UBTF: variants seen among roughly 807,000 people sequenced by gnomAD.
UBTF encodes nucleolar transcription factor 1.
UBTF carries 8 observed loss-of-function variants against 112.3 expected under a neutral mutation model. The ratio of observed to expected loss-of-function variants is 0.07; its 90% CI spans 0.04 to 0.13. The LOEUF (loss-of-function observed/expected upper bound fraction) is 0.13, where lower values mean the gene tolerates loss of function less well. Ranked by LOEUF, UBTF falls within the 10% of genes least tolerant of loss-of-function variation. The pLI is 1.00. For synonymous variants in UBTF, 417 were observed against 373.1 expected (o/e 1.12, Z -1.36); for missense variants, 457 against 982.1 (o/e 0.47, Z 7.15).
rs1353800434 is a variant in UBTF, at chr17:44,206,377, A to T, written c.*865T>A. 1 of 150,910 alleles carries T rather than the reference A, an allele frequency of 6.6e-6. No homozygotes were observed. The highest frequency in any genetic ancestry group is 2.0e-4 in the East Asian group (1 of 5,106). 9.3% of individuals were successfully genotyped at this position (150,910 alleles called of 1,614,324 possible). A position where few individuals can be genotyped will look rare whatever the true frequency, so the allele number is the denominator to read the frequency against. ...CCTCACCGACCCTTTTTCCAGATTC[A>T]CAACAAACTGATGTGGGCTCTAGGA... On this transcript the variant is annotated 3_prime_UTR_variant, in exon 21 of 21. Transcript: ENST00000436088.
chr17:44,216,814 T>C (rs1277408484), intron 2 of UBTF, 110 bp from the exon 3 acceptor site: 5 of 1,105,976 alleles, frequency 4.5e-6, no homozygotes, highest in South Asian at 2.6e-5. Flanking sequence ...CAGCCCCTGG[T>C]TGCTTCCCAT....
chr17:44,213,033 A>G, intron 6 of UBTF, 94 bp from the exon 7 acceptor site: 1 of 1,569,594 alleles, frequency 6.4e-7, no homozygotes. Context: ...TGGGCCTTTC[A>G]GCTGGGGCTC....
At chr17:44,218,352 A>T in intron 1 of UBTF, 56 bp from the exon 2 acceptor site, 2 of 1,031,992 alleles carry the variant, frequency 1.9e-6, no homozygotes, top group Non-Finnish European at 1.5e-6. Flanking sequence ...ACGACTAACG[A>T]CTTTCTAACC....
At chr17:44,219,067 C>T (rs961133768) in intron 1 of UBTF, 4 of 149,950 alleles carry the variant, frequency 2.7e-5, no homozygotes, top group East Asian at 3.9e-4. Context: ...TCCCCCGAGC[C>T]TGCGGCCCAG....
intron 2 of UBTF, among the ~76,000 whole-genome samples, chr17:44,217,024 A>G (rs975358981): frequency 6.6e-6 from 1 of 152,178 alleles, no homozygotes; most frequent in African/African-American, 2.4e-5. Flanking sequence ...GAGGGGTGGA[A>G]ATGAAGGTAC....
chr17:44,210,286 G>A (rs771452302), intron 14 of UBTF, 32 bp downstream of exon 14: 1 of 1,614,256 alleles, frequency 6.2e-7, no homozygotes, highest in Non-Finnish European at 8.5e-7. Flanking sequence ...GGGGCTAGAG[G>A]CTGCAGTACT....
At chr17:44,207,416 G>A (rs917614614) in intron 20 of UBTF, 38 bp downstream of exon 20, 1 of 1,611,622 alleles carries the variant, frequency 6.2e-7, no homozygotes, top group South Asian at 1.1e-5. Flanking sequence ...CTCCTGGCAG[G>A]ACTCCCCTCC....
At chr17:44,210,621 G>A (rs1025396595) in intron 13 of UBTF, 148 bp from the exon 14 acceptor site, 4 of 1,381,898 alleles carry the variant, frequency 2.9e-6, no homozygotes, top group African/African-American at 1.5e-5. Flanking sequence ...CCTGGTCTGC[G>A]GCGCTCAGCT....
intron 13 of UBTF, 73 bp from the exon 14 acceptor site, chr17:44,210,546 G>A (rs2056592877): frequency 2.0e-6 from 3 of 1,468,192 alleles, no homozygotes; most frequent in Non-Finnish European, 2.7e-6. Context: ...AGCAGCCCAG[G>A]CGCTCCCGCC....
At chr17:44,219,411 G>T in intron 1 of UBTF, 34 bp downstream of exon 1, 1 of 151,730 alleles carries the variant, frequency 6.6e-6, no homozygotes, top group South Asian at 2.1e-4. Flanking sequence ...GTCCGGCCCC[G>T]ACCCCAGCGC....
intron 19 of UBTF, 34 bp from the exon 20 acceptor site, chr17:44,207,631 G>T: frequency 6.2e-7 from 1 of 1,614,068 alleles, no homozygotes; most frequent in East Asian, 2.2e-5. Context: ...GTGGTCTCTG[G>T]TCTCTGCCCA....
At chr17:44,217,788 C>T (rs1377457159) in intron 2 of UBTF, among the ~76,000 whole-genome samples, 1 of 152,218 alleles carries the variant, frequency 6.6e-6, no homozygotes, top group East Asian at 1.9e-4. Context: ...CCTGCCTCTA[C>T]AAAAGCCTCA....
chr17:44,206,426 A>T lies in UBTF; in HGVS notation c.*816T>A, dbSNP rs1329584582. 1 of 150,184 alleles carries T rather than the reference A, an allele frequency of 6.7e-6. No homozygotes were observed. The highest frequency in any genetic ancestry group is 1.5e-5 in the Non-Finnish European group (1 of 67,542). The allele number at this position is 150,184 out of a possible 1,614,324, so 9.3% of individuals were successfully genotyped here. A position where few individuals can be genotyped will look rare whatever the true frequency, so the allele number is the denominator to read the frequency against. Reference sequence around the variant, plus strand: ...GACAGACCCCTTTACACACACACACACACACTCACACTCTTTTGCACACAT... The same window carrying T: ...GACAGACCCCTTTACACACACACACTCACACTCACACTCTTTTGCACACAT... On this transcript the variant is annotated 3_prime_UTR_variant, in exon 21 of 21. Transcript: ENST00000436088.
intron 1 of UBTF, 83 bp from the exon 2 acceptor site, chr17:44,218,379 G>A (rs2046953179): frequency 2.6e-6 from 2 of 758,318 alleles, no homozygotes; most frequent in African/African-American, 1.8e-5. Context: ...AGTAGAAGGG[G>A]GCAGGTCCAC....
Position 44,207,263 on chromosome 17 carries a change from G to A in UBTF, c.2274C>T (p.Ser758=). The A allele has an allele frequency of 1.2e-6, 2 of 1,613,668 alleles. No individual in the cohort carries two copies. The highest frequency in any genetic ancestry group is 1.7e-6 in the Non-Finnish European group (2 of 1,179,864). ...AGCCTCAGTTGGAGTCAGAGTCTGA[G>A]GAGTCCCCTGAGGAGGAGGAGCTGG... The part of the protein sequence containing the change: ...SSSSSSSSGD[S]SDSDSN The change falls in exon 21 of 21, where the codon TCC becomes TCT. Residue 758 remains serine, a synonymous_variant. Coordinates refer to ENST00000436088, the MANE Select transcript of UBTF (RefSeq NM_014233.4).
In UBTF at chr17:44,209,640, C is replaced by T. The variant is rs1199330732; in HGVS notation, c.1715+5G>A. 6.2e-7 allele frequency: 1 copy of T among 1,614,092 alleles called. No individual in the cohort carries two copies. The highest frequency in any genetic ancestry group is 8.5e-7 in the Non-Finnish European group (1 of 1,180,044). On this transcript the variant is annotated splice_donor_5th_base_variant and intron_variant, in intron 16 of 20. Transcript: ENST00000436088. ...TCCAGGGCAGACTCCAACCCCCAGG[C>T]TCACATGGGAGGCTTCTTGGGTTCT...
At chr17:44,212,158 GC>G (rs1157775596) in intron 8 of UBTF, 152 bp from the exon 9 acceptor site, 1 of 471,312 alleles carries the variant, frequency 2.1e-6, no homozygotes, top group Non-Finnish European at 3.6e-6. Flanking sequence ...GCCCTGCCCT[GC>G]CCTAGCCTGA....
At chr17:44,213,440 C>T (rs980712309) in intron 5 of UBTF, 158 bp from the exon 6 acceptor site, 44 of 733,838 alleles carry the variant, frequency 6.0e-5, no homozygotes, top group Middle Eastern at 7.8e-4. Flanking sequence ...CGGGACTCAC[C>T]ACAGAGCAGA....
rs146543769 is a variant in UBTF at position 44,212,604 on chromosome 17, G to A, written c.661-150C>T. The A allele has an allele frequency of 1.3e-3, 1,420 of 1,054,530 alleles. 3 individuals are homozygous for A. The highest frequency in any genetic ancestry group is 2.6e-3 in the Admixed American group (100 of 38,864). 65.3% of individuals were successfully genotyped at this position (1,054,530 alleles called of 1,614,324 possible). A position where few individuals can be genotyped will look rare whatever the true frequency, so the allele number is the denominator to read the frequency against. ...GGCCAGGAGGGGAAGGCGGAGAGGC[G>A]GGGATCCCGCCTGGGTGCAAGGGGA... On this transcript the variant is annotated intron_variant, in intron 7 of 20. Coordinates refer to ENST00000436088, the MANE Select transcript of UBTF (RefSeq NM_014233.4).
Sources: allele counts gnomAD v4.1 joint callset (sites outside exome capture counted in the v4.1 genomes callset), GRCh38; gene constraint gnomAD v4.1.1; transcripts MANE v1.5; gene names NCBI Gene and HGNC (gene_info 2026-07-23, HGNC 2026-07-21).